The following TMOD4 variants were observed in gnomAD, a reference collection of about 807,000 sequenced individuals.
The protein encoded by TMOD4 is tropomodulin-4.
TMOD4 carries 34 observed loss-of-function variants against 45.4 expected under a neutral mutation model. The observed-to-expected ratio is 0.75, with a 90% CI of 0.57 to 1.00. TMOD4 has a LOEUF of 1.00. Ranked by LOEUF, TMOD4 falls within the 50% of genes least tolerant of loss-of-function variation. The pLI, the probability that TMOD4 is intolerant of heterozygous loss-of-function variation, is 0.00. For missense variants in TMOD4, 399 were observed against 437.5 expected (o/e 0.91, Z 0.78); for synonymous variants, 131 against 153.9 (o/e 0.85, Z 1.10).
In TMOD4 at chr1:151,170,409, A is replaced by G; in HGVS notation, c.1015+110T>C. 2.0e-6 allele frequency: 3 copies of G among 1,490,512 alleles called. No individual in the cohort carries two copies. The East Asian group carries it at 6.8e-5, about 34-fold the overall frequency. 92.3% of individuals were successfully genotyped at this position (1,490,512 alleles called of 1,614,324 possible). A position where few individuals can be genotyped will look rare whatever the true frequency, so the allele number is the denominator to read the frequency against. Reference sequence around the variant, plus strand: ...TGGGATTTGAAATTCTCATATGAATAGCTCTTTGGTAGCACCCTGGGCTGT... The same window carrying G: ...TGGGATTTGAAATTCTCATATGAATGGCTCTTTGGTAGCACCCTGGGCTGT... On this transcript the variant is annotated intron_variant, in intron 9 of 9. Transcript: ENST00000295314.
rs140350051 is a variant in TMOD4 at position 151,174,331 on chromosome 1, G to A, written c.280+60C>T. On this transcript the variant is annotated intron_variant, in intron 3 of 9. Coordinates refer to ENST00000295314, the MANE Select transcript of TMOD4 (RefSeq NM_013353.3). ...GTGAGAGGGAAACTGGAGTGGGGAC[G>A]AGTGAGAGACAGCACAGCCACTTGG... 9.8e-4 allele frequency: 1,546 copies of A among 1,569,684 alleles called. 13 individuals are homozygous for A. The African/African-American group carries it at 0.018, about 18-fold the overall frequency.
At chr1:151,170,889 A>C in intron 8 of TMOD4, 31 bp downstream of exon 8, 1 of 1,611,238 alleles carries the variant, frequency 6.2e-7, no homozygotes, top group Non-Finnish European at 8.5e-7. Context: ...AATGAGACTG[A>C]ATGCTAACAT....
Position 151,170,047 on chromosome 1 carries a change from C to T in TMOD4, c.*34G>A, listed in dbSNP as rs1380306538. ...CAGATGAGGATTTAAGTGTCCAGTG[C>T]TCCCAGCGCTAGTTGGTAAAGGGAA... is the stretch of plus-strand genomic sequence containing the variant. On this transcript the variant is annotated 3_prime_UTR_variant, in exon 10 of 10. Transcript: ENST00000295314. 5 of 1,613,338 alleles carry T rather than the reference C, an allele frequency of 3.1e-6. No individual in the cohort carries two copies. Among genetic ancestry groups the T allele is most frequent in the East Asian group, 2.2e-5 (1 of 44,892 alleles).
Position 151,174,749 on chromosome 1 carries a change from C to G in TMOD4, c.123+4G>C. On this transcript the variant is annotated splice_donor_region_variant and intron_variant, in intron 2 of 9. Transcript: ENST00000295314. The stretch of plus-strand genomic sequence containing the variant: ...CCTCTGGTTCCCTGTGCTGGAGCCC[C>G]TACCTCAGGATCCATCTCCTGTAGT... The G allele has an allele frequency of 6.2e-7, 1 of 1,613,582 alleles. No homozygotes were observed. Among genetic ancestry groups the G allele is most frequent in the Non-Finnish European group, 8.5e-7 (1 of 1,180,024 alleles).
chr1:151,171,838 C>CTTTTT (rs200165349), intron 5 of TMOD4, 75 bp from the exon 6 acceptor site: 29 of 1,300,200 alleles, frequency 2.2e-5, no homozygotes, highest in Admixed American at 1.1e-4. Context: ...CTTTTCTTTT[C>CTTTTT]TTTTTTTTTT....
At chr1:151,170,895 A>T in intron 8 of TMOD4, 25 bp downstream of exon 8, 2 of 1,612,614 alleles carry the variant, frequency 1.2e-6, no homozygotes, top group Non-Finnish European at 1.7e-6. Context: ...ACTGAATGCT[A>T]ACATCAGGGG....
Position 151,175,171 on chromosome 1 carries a change from G to A in TMOD4, c.-42-254C>T, listed in dbSNP as rs115716469. The A allele has an allele frequency of 2.3e-3, 803 of 356,724 alleles. 8 individuals are homozygous for A. Among genetic ancestry groups the A allele is most frequent in the African/African-American group, 0.016 (745 of 47,406 alleles). 22.1% of individuals were successfully genotyped at this position (356,724 alleles called of 1,614,324 possible). A position where few individuals can be genotyped will look rare whatever the true frequency, so the allele number is the denominator to read the frequency against. ...AGCTGGGTTTGTCTTCCCACGGTAT[G>A]ACAGAGAAATCCTGGCAGCACCCCT... On this transcript the variant is annotated intron_variant, in intron 1 of 9. Coordinates refer to ENST00000295314, the MANE Select transcript of TMOD4 (RefSeq NM_013353.3).
chr1:151,172,464 C>T, intron 4 of TMOD4, 107 bp from the exon 5 acceptor site: 2 of 866,082 alleles, frequency 2.3e-6, no homozygotes, highest in Non-Finnish European at 3.7e-6. Context: ...TGACCACTTA[C>T]ACTTTGCCAA....
Position 151,174,928 on chromosome 1 carries a change from T to TGGGACAAA in TMOD4, c.-42-19_-42-12dup, listed in dbSNP as rs1684059508. ...TGGTACTCACAGAGCCTGGGCAACA[T>TGGGACAAA]GGGACAAAAGGATGGACAATGGTAA... is the stretch of plus-strand genomic sequence containing the variant. On this transcript the variant is annotated splice_polypyrimidine_tract_variant and intron_variant, in intron 1 of 9. Coordinates refer to ENST00000295314, the MANE Select transcript of TMOD4 (RefSeq NM_013353.3). The TGGGACAAA allele has an allele frequency of 6.2e-7, 1 of 1,610,576 alleles. No homozygotes were observed.
chr1:151,171,833 CTTTTCTT>C, intron 5 of TMOD4, 70 bp from the exon 6 acceptor site: 3 of 1,468,454 alleles, frequency 2.0e-6, no homozygotes, highest in South Asian at 1.4e-5. Context: ...GTTTTCTTTT[CTTTTCTT>C]TTTTTTTTTT....
At chr1:151,172,420 T>C (rs1683990201) in intron 4 of TMOD4, 63 bp from the exon 5 acceptor site, 2 of 1,284,762 alleles carry the variant, frequency 1.6e-6, no homozygotes, top group Non-Finnish European at 1.1e-6. Context: ...GCCTCCCTCC[T>C]ACCTATTTCT....
intron 4 of TMOD4, among the ~76,000 whole-genome samples, chr1:151,172,791 C>T (rs1683998310): frequency 6.6e-6 from 1 of 152,098 alleles, no homozygotes; most frequent in Non-Finnish European, 1.5e-5. Flanking sequence ...TGCTGCCATG[C>T]CTGGCTAATT....
intron 2 of TMOD4, 90 bp from the exon 3 acceptor site, chr1:151,174,637 C>G (rs1266520725): frequency 6.3e-7 from 1 of 1,594,650 alleles, no homozygotes. Flanking sequence ...ACACCTTTCC[C>G]CTGGCCTTCT....
At chr1:151,170,750 A>C in intron 8 of TMOD4, 87 bp from the exon 9 acceptor site, 1 of 1,558,298 alleles carries the variant, frequency 6.4e-7, no homozygotes, top group Non-Finnish European at 8.7e-7. Flanking sequence ...GAGGTCAAAG[A>C]AGCTTGTTTC....
Position 151,172,188 on chromosome 1 carries a change from T to C in TMOD4, c.487+80A>G, listed in dbSNP as rs1374676698. The C allele has an allele frequency of 8.5e-6, 10 of 1,172,788 alleles. No individual in the cohort carries two copies. In the Admixed American group the frequency reaches 1.8e-4, roughly 21 times the overall value. 72.6% of individuals were successfully genotyped at this position (1,172,788 alleles called of 1,614,324 possible). A position where few individuals can be genotyped will look rare whatever the true frequency, so the allele number is the denominator to read the frequency against. On this transcript the variant is annotated intron_variant, in intron 5 of 9. Coordinates refer to ENST00000295314, the MANE Select transcript of TMOD4 (RefSeq NM_013353.3). The stretch of plus-strand genomic sequence containing the variant: ...CATGTCCTCTCCCAGAATCATCAAT[T>C]TCACCCTTTTCTACCTTCTCCCAGA...
Position 151,174,803 on chromosome 1 carries a change from G to C in TMOD4, c.73C>G (p.Pro25Ala). 1 of 1,614,082 alleles carries C rather than the reference G, an allele frequency of 6.2e-7. No homozygotes were observed. The highest frequency in any genetic ancestry group is 8.5e-7 in the Non-Finnish European group (1 of 1,180,012). ...CAGTCCAGCTGCTCTAGCTCCTCGGGGCTCAAGGTCCTTAGGATCTCATCT... is the reference window on the plus strand; with the variant it reads ...CAGTCCAGCTGCTCTAGCTCCTCGGCGCTCAAGGTCCTTAGGATCTCATCT... ...DEDEILRTLS[P>A]EELEQLDCEL... Residue 25 changes from proline (P) to alanine (A), a missense_variant, in exon 2 of 10, where the codon CCC becomes GCC. Physicochemically the swap from Pro to Ala is conservative, Grantham distance 27. Transcript: ENST00000295314.
At chr1:151,174,664 G>T in intron 2 of TMOD4, 89 bp downstream of exon 2, 1 of 1,601,620 alleles carries the variant, frequency 6.2e-7, no homozygotes. Flanking sequence ...CCTAGGTCCT[G>T]TAGCAAACCC....
At position 151,173,581 on chromosome 1, in the gene TMOD4, T is replaced by A; in HGVS notation, c.315A>T (p.Pro105=). 1 of 1,614,236 alleles carries A rather than the reference T, an allele frequency of 6.2e-7. No individual in the cohort carries two copies. The highest frequency in any genetic ancestry group is 8.5e-7 in the Non-Finnish European group (1 of 1,180,040). The change falls in exon 4 of 10, where the codon CCA becomes CCT. Residue 105 remains proline (P), a synonymous_variant. Transcript: ENST00000295314. ...GCTCCAGGGTGATCTGCTCCTCTGC[T>A]GGGATTTCCCTCTTGGGCTGAATAT... ...KPYIQPKREI[P]AEEQITLEPE...
chr1:151,174,691 G>A, intron 2 of TMOD4, 62 bp downstream of exon 2: 1 of 1,610,040 alleles, frequency 6.2e-7, no homozygotes, highest in South Asian at 1.1e-5. Flanking sequence ...CAGCCACCCA[G>A]AGCCCAACAC....
Sources: gnomAD v4.1 joint callset for allele counts (sites outside exome capture counted in the v4.1 genomes callset) on GRCh38, gnomAD v4.1.1 for gene constraint, MANE v1.5 for transcripts, NCBI Gene and HGNC (gene_info 2026-07-23, HGNC 2026-07-21) for gene names.